GRIK4: variants seen among roughly 807,000 people sequenced by gnomAD.
The protein encoded by GRIK4 is glutamate ionotropic receptor kainate type subunit 4.
In GRIK4, 40 loss-of-function variants were observed where a neutral mutation model predicts 104.9. That is an observed-to-expected ratio of 0.38 (90% CI 0.30 to 0.50). GRIK4 has a LOEUF of 0.50. GRIK4 is among the 20% of genes least tolerant of loss of function. The pLI, the probability that GRIK4 is intolerant of heterozygous loss-of-function variation, is 0.93. For synonymous variants in GRIK4, 485 were observed against 524.9 expected (o/e 0.92, Z 1.04); for missense variants, 1,047 against 1,308.1 (o/e 0.80, Z 3.08).
At chr11:120,848,680 G>A (rs1469820178) in intron 8 of GRIK4, among the ~76,000 whole-genome samples, 1 of 152,134 alleles carries the variant, frequency 6.6e-6, no homozygotes, top group Non-Finnish European at 1.5e-5. Context: ...GGGGAAATGA[G>A]GCATTATTGT....
intron 4 of GRIK4, among the ~76,000 whole-genome samples, chr11:120,806,032 C>T (rs146094373): frequency 8.2e-4 from 125 of 152,298 alleles, no homozygotes; most frequent in African/African-American, 2.9e-3. Flanking sequence ...TCTGTTTCCT[C>T]GTTTGTAAAA....
chr11:120,588,372 A>G (rs1948694382), intron 1 of GRIK4, among the ~76,000 whole-genome samples: 1 of 152,184 alleles, frequency 6.6e-6, no homozygotes, highest in Non-Finnish European at 1.5e-5. Context: ...CACCCAGCAC[A>G]TACCTGGTAC....
chr11:120,783,747 C>T (rs1395029645), intron 3 of GRIK4, among the ~76,000 whole-genome samples: 1 of 152,108 alleles, frequency 6.6e-6, no homozygotes, highest in Non-Finnish European at 1.5e-5. Context: ...CTCTTTCAGG[C>T]AACAGCTCTT....
At chr11:120,941,335 A>G (rs1468565742) in intron 14 of GRIK4, among the ~76,000 whole-genome samples, 1 of 152,156 alleles carries the variant, frequency 6.6e-6, no homozygotes, top group African/African-American at 2.4e-5. Flanking sequence ...CCAACAGGGT[A>G]GAGACCAAGA....
chr11:120,605,773 C>T (rs560339226), intron 1 of GRIK4, among the ~76,000 whole-genome samples: 1 of 152,338 alleles, frequency 6.6e-6, no homozygotes, highest in East Asian at 1.9e-4. Flanking sequence ...CACAAGCTTG[C>T]CGTGGGCCTG....
At chr11:120,906,427 C>A (rs1322645615) in intron 13 of GRIK4, among the ~76,000 whole-genome samples, 2 of 152,198 alleles carry the variant, frequency 1.3e-5, no homozygotes, top group Non-Finnish European at 2.9e-5. Flanking sequence ...TATCTCTAAT[C>A]CTCTTTAAAC....
chr11:120,697,394 T>TC (rs1354797449), intron 3 of GRIK4, among the ~76,000 whole-genome samples: 1 of 152,164 alleles, frequency 6.6e-6, no homozygotes, highest in Admixed American at 6.5e-5. Flanking sequence ...GGCAGGAGGA[T>TC]CACCTGAGGT....
chr11:120,577,740 C>A (rs908957384), intron 1 of GRIK4, among the ~76,000 whole-genome samples: 3 of 152,184 alleles, frequency 2.0e-5, no homozygotes, highest in African/African-American at 7.2e-5. Context: ...TACCACTGGG[C>A]AGCTGCTGAG....
intron 3 of GRIK4, among the ~76,000 whole-genome samples, chr11:120,796,037 T>G (rs375871493): frequency 8.5e-4 from 2 of 2,362 alleles, no homozygotes; most frequent in African/African-American, 0.02. Flanking sequence ...TTTCCTGAAT[T>G]TTTTTTTTTT....
chr11:120,911,069 G>A (rs184437121), intron 13 of GRIK4, among the ~76,000 whole-genome samples: 222 of 152,218 alleles, frequency 1.5e-3, no homozygotes, highest in African/African-American at 5.1e-3. Context: ...GTGTGGCCCC[G>A]TGGGCAGCTG....
At chr11:120,662,452 C>T (rs1333627931) in intron 3 of GRIK4, among the ~76,000 whole-genome samples, 1 of 152,172 alleles carries the variant, frequency 6.6e-6, no homozygotes, top group African/African-American at 2.4e-5. Context: ...CCTTGGTTAG[C>T]CTGAGTGCCA....
rs541363446 is a variant in GRIK4 at position 120,755,811 on chromosome 11, G to T, written c.83-46882G>T. ...CTCCTACCCTCCAGGGAGAGTTGGG[G>T]TGGATGCCTTCTGCTGCTCCTGGAA... On this transcript the variant is annotated intron_variant, in intron 3 of 20. Transcript: ENST00000527524. Among the ~76,000 whole-genome samples the T allele has an allele frequency of 1.1e-4, 17 of 152,232 alleles. No individual in the cohort carries two copies. In the East Asian group the frequency reaches 1.3e-3, roughly 12 times the overall value.
At chr11:120,571,143 T>C (rs1565554359) in intron 1 of GRIK4, among the ~76,000 whole-genome samples, 1 of 152,192 alleles carries the variant, frequency 6.6e-6, no homozygotes, top group Non-Finnish European at 1.5e-5. Flanking sequence ...GGACTTCCCT[T>C]GGCCCCCTCC....
chr11:120,783,659 T>C (rs1222771142), intron 3 of GRIK4, among the ~76,000 whole-genome samples: 1 of 152,212 alleles, frequency 6.6e-6, no homozygotes, highest in African/African-American at 2.4e-5. Flanking sequence ...CTGCTTTTTA[T>C]CCCCTGTGGT....
At chr11:120,552,719 G>A (rs564648956) in intron 1 of GRIK4, among the ~76,000 whole-genome samples, 30 of 152,300 alleles carry the variant, frequency 2.0e-4, no homozygotes, top group African/African-American at 7.0e-4. Context: ...GAAGGGAGAG[G>A]CCAGGCGTGG....
chr11:120,574,082 G>A (rs975620314), intron 1 of GRIK4, among the ~76,000 whole-genome samples: 1 of 152,214 alleles, frequency 6.6e-6, no homozygotes, highest in Non-Finnish European at 1.5e-5. Flanking sequence ...ATGAAAGGTA[G>A]TATTTGTTGT....
chr11:120,684,178 T>C (rs1034337899), intron 3 of GRIK4, among the ~76,000 whole-genome samples: 2 of 151,832 alleles, frequency 1.3e-5, no homozygotes, highest in African/African-American at 4.8e-5. Flanking sequence ...ATAAAATTAG[T>C]TGGGCGTAAT....
intron 12 of GRIK4, among the ~76,000 whole-genome samples, chr11:120,901,639 G>A (rs1377439360): frequency 2.0e-5 from 3 of 152,216 alleles, no homozygotes; most frequent in Non-Finnish European, 4.4e-5. Flanking sequence ...GAATCTGAGT[G>A]AAGGAATTCC....
chr11:120,875,286 G>T, intron 11 of GRIK4, 43 bp downstream of exon 11: 6 of 1,216,680 alleles, frequency 4.9e-6, no homozygotes, highest in Non-Finnish European at 7.3e-6. Context: ...CCTCCTCTCT[G>T]TTCCATTTCA....
Sources: allele counts gnomAD v4.1 joint callset (sites outside exome capture counted in the v4.1 genomes callset), GRCh38; gene constraint gnomAD v4.1.1; transcripts MANE v1.5; gene names NCBI Gene and HGNC (gene_info 2026-07-23, HGNC 2026-07-21).